Variants in XDH observed in about 807,000 individuals in gnomAD.
XDH encodes the protein xanthine dehydrogenase.
Under a neutral mutation model 156.1 loss-of-function variants are expected in XDH, and 138 were observed. That is an observed-to-expected ratio of 0.88 (90% CI 0.77 to 1.02). XDH has a LOEUF of 1.02. Among genes scored for constraint, XDH ranks in the 50% least tolerant of loss-of-function variants. XDH has a pLI of 0.00. For synonymous variants in XDH, 669 were observed against 625.7 expected (o/e 1.07, Z -1.03); for missense variants, 1,849 against 1,684.9 (o/e 1.10, Z -1.71).
intron 18 of XDH, among the ~76,000 whole-genome samples, chr2:31,370,082 A>G (rs1215872103): frequency 6.6e-6 from 1 of 152,232 alleles, no homozygotes; most frequent in Non-Finnish European, 1.5e-5. Flanking sequence ...GTCCCTTAAG[A>G]ACCGAATTGT....
chr2:31,352,204 G>T (rs1572519972), intron 24 of XDH, among the ~76,000 whole-genome samples: 1 of 151,980 alleles, frequency 6.6e-6, no homozygotes, highest in Non-Finnish European at 1.5e-5. Context: ...GATTTGTCAA[G>T]TTTCTTTGAA....
intron 8 of XDH, among the ~76,000 whole-genome samples, chr2:31,386,907 C>A (rs998893553): frequency 7.3e-6 from 1 of 136,986 alleles, no homozygotes; most frequent in Non-Finnish European, 1.5e-5. Context: ...CAGGGGGCAC[C>A]ATGGACAAGG....
intron 14 of XDH, 92 bp from the exon 15 acceptor site, chr2:31,375,646 A>G (rs1011239302): frequency 2.0e-6 from 3 of 1,471,726 alleles, no homozygotes; most frequent in Non-Finnish European, 2.8e-6. Flanking sequence ...GGAGCTGTAC[A>G]AAGCTTGGTT....
At chr2:31,347,728 C>A in intron 28 of XDH, 78 bp from the exon 29 acceptor site, 2 of 1,558,000 alleles carry the variant, frequency 1.3e-6, no homozygotes, top group South Asian at 1.2e-5. Context: ...AGACAGGATT[C>A]ACATTCACTG....
At chr2:31,362,254 C>G (rs1685798516) in intron 24 of XDH, among the ~76,000 whole-genome samples, 1 of 152,004 alleles carries the variant, frequency 6.6e-6, no homozygotes, top group Non-Finnish European at 1.5e-5. Context: ...AGCAGATGTA[C>G]TAGTGGAACC....
At chr2:31,346,733 C>A in intron 30 of XDH, 36 bp downstream of exon 30, 2 of 1,613,750 alleles carry the variant, frequency 1.2e-6, no homozygotes, top group Non-Finnish European at 1.7e-6. Flanking sequence ...ATTTCCCTCT[C>A]CTTTGCAAAC....
chr2:31,388,151 G>T, intron 7 of XDH, 76 bp downstream of exon 7: 1 of 1,524,132 alleles, frequency 6.6e-7, no homozygotes, highest in Non-Finnish European at 9.1e-7. Context: ...CACCGCCAGG[G>T]ACATGGAGCT....
intron 9 of XDH, among the ~76,000 whole-genome samples, chr2:31,385,286 C>CT (rs1686557553): frequency 6.6e-6 from 1 of 152,332 alleles, no homozygotes; most frequent in East Asian, 1.9e-4. Context: ...TCCTGTTGAG[C>CT]CATGGCCATC....
chr2:31,337,921 G>C, intron 34 of XDH, 104 bp from the exon 35 acceptor site: 1 of 1,301,756 alleles, frequency 7.7e-7, no homozygotes, highest in Admixed American at 2.1e-5. Context: ...CACGAGGAGG[G>C]CTGGTGGCAC....
intron 31 of XDH, among the ~76,000 whole-genome samples, chr2:31,343,573 T>TGCC (rs1685199649): frequency 3.4e-5 from 5 of 145,896 alleles, no homozygotes; most frequent in African/African-American, 9.9e-5. Context: ...CATATATATA[T>TGCC]TCAGTGTAAT....
intron 1 of XDH, among the ~76,000 whole-genome samples, chr2:31,410,474 T>C (rs1687311535): frequency 6.6e-6 from 1 of 152,172 alleles, no homozygotes; most frequent in Non-Finnish European, 1.5e-5. Context: ...TTTGTATCAT[T>C]CCAAATTATC....
chr2:31,392,562 T>C (rs1157744588), intron 6 of XDH, among the ~76,000 whole-genome samples: 1 of 152,042 alleles, frequency 6.6e-6, no homozygotes, highest in African/African-American at 2.4e-5. Flanking sequence ...GTAGCTGGGA[T>C]TACAGGTGTG....
rs1374958309 is a variant in XDH, at chr2:31,337,647, G to A, written c.3945C>T (p.Thr1315=). The change falls in exon 35 of 36, where the codon ACC becomes ACT. Residue 1315 remains threonine, a synonymous_variant. Transcript: ENST00000379416. The part of the protein sequence containing the change: ...KIRNACVDKF[T]TLCVTGVPEN... ...TGCTTGAGGGGCATCATACCAGGGT[G>A]GTGAACTTGTCCACGCAGGCATTGC... 2 of 1,614,030 alleles carry A rather than the reference G, an allele frequency of 1.2e-6. No homozygotes were observed. The highest frequency in any genetic ancestry group is 8.5e-7 in the Non-Finnish European group (1 of 1,180,028).
rs142654666 is a variant in XDH at position 31,337,834 on chromosome 2, C to T, written c.3775-17G>A. ...TCCAACAGCCTGAACACAGACAGGG[C>T]ACAGGGCAGGGGCTCAGGCAGGTGG... is the stretch of plus-strand genomic sequence containing the variant. On this transcript the variant is annotated splice_polypyrimidine_tract_variant and intron_variant, in intron 34 of 35. Coordinates refer to ENST00000379416, the MANE Select transcript of XDH (RefSeq NM_000379.4). The T allele has an allele frequency of 3.7e-6, 6 of 1,613,218 alleles. No individual in the cohort carries two copies. The highest frequency in any genetic ancestry group is 4.2e-6 in the Non-Finnish European group (5 of 1,179,592).
chr2:31,395,420 C>A (rs1017202025), intron 6 of XDH, among the ~76,000 whole-genome samples: 2 of 152,072 alleles, frequency 1.3e-5, no homozygotes, highest in African/African-American at 2.4e-5. Flanking sequence ...GTTTAGGCTG[C>A]GGTAAAATAA....
rs549975895 is a variant in XDH at position 31,405,805 on chromosome 2, C to T, written c.100+102G>A. 4 of 1,395,090 alleles carry T rather than the reference C, an allele frequency of 2.9e-6. No individual in the cohort carries two copies. The South Asian group carries it at 3.5e-5, about 12-fold the overall frequency. The allele number at this position is 1,395,090 out of a possible 1,614,324, so 86.4% of individuals were successfully genotyped here. ...CTAATCCAGTGCTCTTTCCTCCACA[C>T]CTCAAGGCCACCCCACCAGTCACTA... On this transcript the variant is annotated intron_variant, in intron 2 of 35. Transcript: ENST00000379416.
intron 24 of XDH, among the ~76,000 whole-genome samples, chr2:31,363,223 A>C (rs912975326): frequency 6.6e-6 from 1 of 152,214 alleles, no homozygotes; most frequent in African/African-American, 2.4e-5. Context: ...GAGACAGGAG[A>C]ATCGCTTGAA....
chr2:31,354,134 C>T (rs116302225), intron 24 of XDH, among the ~76,000 whole-genome samples: 1,905 of 152,186 alleles, frequency 0.013, 26 homozygotes, highest in Non-Finnish European at 0.021. Flanking sequence ...TCTCCCATCT[C>T]TGCCCAGAAG....
At chr2:31,347,674 C>A in intron 28 of XDH, 24 bp from the exon 29 acceptor site, 1 of 1,611,126 alleles carries the variant, frequency 6.2e-7, no homozygotes, top group South Asian at 1.1e-5. Context: ...AGACATTGCC[C>A]TCTAGGGAAG....
Sources: allele counts gnomAD v4.1 joint callset (sites outside exome capture counted in the v4.1 genomes callset), GRCh38; gene constraint gnomAD v4.1.1; transcripts MANE v1.5; gene names NCBI Gene and HGNC (gene_info 2026-07-23, HGNC 2026-07-21).